Variants in BAMBI observed in about 807,000 individuals in gnomAD.
BAMBI encodes BMP and activin membrane-bound inhibitor homolog.
In BAMBI, 21 loss-of-function variants were observed where a neutral mutation model predicts 24.1. The observed-to-expected ratio is 0.87, with a 90% CI of 0.62 to 1.26. The LOEUF is 1.26. Among genes scored for constraint, BAMBI ranks in the 50% most tolerant of loss-of-function variants. BAMBI has a pLI of 0.00. For synonymous variants in BAMBI, 156 were observed against 123.1 expected, an observed-to-expected ratio of 1.27 and a Z score of -1.77; for missense variants, 388 against 329.1, an observed-to-expected ratio of 1.18 and a Z score of -1.38.
At chr10:28,680,288 T>G (rs1834483437) in intron 1 of BAMBI, among the ~76,000 whole-genome samples, 1 of 152,138 alleles carries the variant, frequency 6.6e-6, no homozygotes, top group African/African-American at 2.4e-5. Context: ...CCCAGATTAT[T>G]TCAACGAGAA....
At chr10:28,681,689 T>A (rs541298849) in intron 2 of BAMBI, 144 bp downstream of exon 2, 113 of 922,542 alleles carry the variant, frequency 1.2e-4, no homozygotes, top group Non-Finnish European at 1.3e-4. Flanking sequence ...CAAAGATGCA[T>A]CTTGATTGAG....
Position 28,681,485 on chromosome 10 carries a change from G to T in BAMBI, c.304G>T (p.Asp102Tyr). The T allele has an allele frequency of 6.2e-7, 1 of 1,614,158 alleles. No individual in the cohort carries two copies. Among genetic ancestry groups the T allele is most frequent in the Non-Finnish European group, 8.5e-7 (1 of 1,180,036 alleles). Residue 102 changes from aspartate to tyrosine, a missense_variant, in exon 2 of 3, where the codon GAC (aspartate) becomes TAC (tyrosine). Coordinates refer to ENST00000375533, the MANE Select transcript of BAMBI (RefSeq NM_012342.3). ...TIPTLECCHE[D>Y]MCNYRGLHDV... ...ACCCACATTGGAATGCTGTCATGAA[G>T]ACATGTGCAATTACAGAGGGCTGCA...
chr10:28,679,344 T>G (rs937842467), intron 1 of BAMBI, among the ~76,000 whole-genome samples: 1 of 152,222 alleles, frequency 6.6e-6, no homozygotes, highest in Non-Finnish European at 1.5e-5. Flanking sequence ...CAGACATTTT[T>G]GTTTAATCAC....
rs1263457571 is a variant in BAMBI, at chr10:28,682,776, AGT to A, written c.*378_*379del. The A allele has an allele frequency of 6.1e-6, 1 of 163,800 alleles. No individual in the cohort carries two copies. The highest frequency in any genetic ancestry group is 2.4e-5 in the African/African-American group (1 of 41,768). The allele number at this position is 163,800 out of a possible 1,614,324, so 10.1% of individuals were successfully genotyped here. On this transcript the variant is annotated 3_prime_UTR_variant, in exon 3 of 3. Coordinates refer to ENST00000375533, the MANE Select transcript of BAMBI (RefSeq NM_012342.3). The stretch of plus-strand genomic sequence containing the variant: ...ATATATATTTTGTCTGAAATTTAAT[AGT>A]GTCTTTCATAAATTTAACTGGGAAA...
rs1282362101 is a variant in BAMBI at position 28,682,020 on chromosome 10, C to A, written c.402C>A (p.Asn134Lys). Reference sequence around the variant, plus strand: ...GGTATCAGCATGATGGTAGCAGAAACCTTATCACCAAGGTGCAGGAGCTGA... The same window carrying A: ...GGTATCAGCATGATGGTAGCAGAAAACTTATCACCAAGGTGCAGGAGCTGA... ...GNRYQHDGSR[N>K]LITKVQELTS... The change falls in exon 3 of 3, where the codon AAC becomes AAA. Residue 134 changes from asparagine (N) to lysine (K), a missense_variant. Coordinates refer to ENST00000375533, the MANE Select transcript of BAMBI (RefSeq NM_012342.3). 6.2e-7 allele frequency: 1 copy of A among 1,613,962 alleles called. No homozygotes were observed.
intron 1 of BAMBI, among the ~76,000 whole-genome samples, chr10:28,678,570 AGT>A (rs907636747): frequency 2.0e-5 from 3 of 150,802 alleles, no homozygotes; most frequent in African/African-American, 7.3e-5. Flanking sequence ...TCTGATCTTG[AGT>A]GTGTCTTTCT....
In BAMBI at chr10:28,682,003, C is replaced by CATG; in HGVS notation, c.389_391dup (p.Asp130dup). ...TTTAGGACAAGGAAACAGGTATCAG[C>CATG]ATGATGGTAGCAGAAACCTTATCAC... On this transcript the variant is annotated inframe_insertion, in exon 3 of 3. Coordinates refer to ENST00000375533, the MANE Select transcript of BAMBI (RefSeq NM_012342.3). The CATG allele has an allele frequency of 6.2e-7, 1 of 1,613,468 alleles. No individual in the cohort carries two copies. Among genetic ancestry groups the CATG allele is most frequent in the Non-Finnish European group, 8.5e-7 (1 of 1,179,446 alleles).
intron 1 of BAMBI, 147 bp downstream of exon 1, chr10:28,678,120 G>C: frequency 1.5e-6 from 1 of 656,282 alleles, no homozygotes; most frequent in Non-Finnish European, 2.4e-6. Context: ...CTTAGAAGTC[G>C]CGGCGGTGGC....
At position 28,682,239 on chromosome 10, in the gene BAMBI, G is replaced by C; in HGVS notation, c.621G>C (p.Gln207His). ...ACGGACACCATTCCAAAAAGGGGCA[G>C]GTTGCAAAGTTAGACTTGGAATGCA... ...SFHGHHSKKGQVAKLDLECMV... is the reference protein window; with the variant it reads ...SFHGHHSKKGHVAKLDLECMV... The change falls in exon 3 of 3, where the codon CAG becomes CAC. Residue 207 changes from glutamine (Q) to histidine (H), a missense_variant. Coordinates refer to ENST00000375533, the MANE Select transcript of BAMBI (RefSeq NM_012342.3). The C allele has an allele frequency of 7.4e-6, 12 of 1,614,184 alleles. No individual in the cohort carries two copies. The highest frequency in any genetic ancestry group is 1.0e-5 in the Non-Finnish European group (12 of 1,180,048).
At chr10:28,679,159 G>T (rs776927780) in intron 1 of BAMBI, among the ~76,000 whole-genome samples, 1 of 152,146 alleles carries the variant, frequency 6.6e-6, no homozygotes, top group Non-Finnish European at 1.5e-5. Flanking sequence ...GGAGCCTCCT[G>T]GCCCTATCAA....
Position 28,682,512 on chromosome 10 carries a change from A to G in BAMBI, c.*111A>G, listed in dbSNP as rs915706892. The G allele has an allele frequency of 1.3e-5, 13 of 983,254 alleles. No individual in the cohort carries two copies. Among genetic ancestry groups the G allele is most frequent in the Non-Finnish European group, 1.9e-5 (13 of 667,110 alleles). 60.9% of individuals were successfully genotyped at this position (983,254 alleles called of 1,614,324 possible). On this transcript the variant is annotated 3_prime_UTR_variant, in exon 3 of 3. Transcript: ENST00000375533. ...CTCATTTAATCATCTTTGAGAGACA[A>G]AATGACCTCTGCAAACAGAATCTTG...
rs755835920 is a variant in BAMBI at position 28,677,883 on chromosome 10, C to T, written c.-15C>T. 9.4e-6 allele frequency: 14 copies of T among 1,497,174 alleles called. No homozygotes were observed. In the African/African-American group the frequency reaches 1.6e-4, roughly 17 times the overall value. 92.7% of individuals were successfully genotyped at this position (1,497,174 alleles called of 1,614,324 possible). On this transcript the variant is annotated 5_prime_UTR_variant, in exon 1 of 3. Transcript: ENST00000375533. ...CCGGAAGCCGGCGGGGGCGCCGCGG[C>T]CGTGCGGGGCGTCAATGGATCGCCA...
intron 1 of BAMBI, among the ~76,000 whole-genome samples, chr10:28,678,493 ATC>A (rs1277916197): frequency 6.6e-6 from 1 of 152,088 alleles, no homozygotes; most frequent in Non-Finnish European, 1.5e-5. Flanking sequence ...CTTTGAATGT[ATC>A]TCTGAATGCA....
intron 1 of BAMBI, among the ~76,000 whole-genome samples, 175 bp from the exon 2 acceptor site, chr10:28,681,083 A>G (rs568746762): frequency 1.3e-5 from 2 of 152,258 alleles, no homozygotes; most frequent in South Asian, 4.1e-4. Flanking sequence ...GTTTAACTGG[A>G]TTGAAACTTA....
Position 28,682,044 on chromosome 10 carries a change from G to C in BAMBI, c.426G>C (p.Leu142=), listed in dbSNP as rs1427889631. 2.5e-6 allele frequency: 4 copies of C among 1,614,048 alleles called. No homozygotes were observed. The African/African-American group carries it at 4.0e-5, about 16-fold the overall frequency. ...SRNLITKVQE[L]TSSKELWFRA... The stretch of plus-strand genomic sequence containing the variant: ...ACCTTATCACCAAGGTGCAGGAGCT[G>C]ACTTCTTCCAAAGAGTTGTGGTTCC... Residue 142 remains leucine (L), a synonymous_variant, in exon 3 of 3, where the codon CTG becomes CTC. Transcript: ENST00000375533.
intron 1 of BAMBI, among the ~76,000 whole-genome samples, chr10:28,678,646 TGTGA>T (rs67502538): frequency 0.13 from 19,774 of 151,988 alleles, 1,902 homozygotes; most frequent in East Asian, 0.42. Flanking sequence ...TGAGTCTCTG[TGTGA>T]GTGTGTCTCT....
intron 1 of BAMBI, among the ~76,000 whole-genome samples, chr10:28,678,211 C>T (rs1175567556): frequency 6.6e-6 from 1 of 152,184 alleles, no homozygotes; most frequent in Non-Finnish European, 1.5e-5. Flanking sequence ...GGGAGCGGCG[C>T]GTTTGCAGCC....
At chr10:28,678,406 T>G (rs10826492) in intron 1 of BAMBI, among the ~76,000 whole-genome samples, 1 of 152,086 alleles carries the variant, frequency 6.6e-6, no homozygotes, top group Non-Finnish European at 1.5e-5. Context: ...CCTAAATGCA[T>G]TTTTGTGTCT....
At chr10:28,681,681 A>G in intron 2 of BAMBI, 136 bp downstream of exon 2, 1 of 956,870 alleles carries the variant, frequency 1.0e-6, no homozygotes, top group Non-Finnish European at 1.5e-6. Flanking sequence ...GCTGGATGCA[A>G]AGATGCATCT....
Sources: gnomAD v4.1 joint callset for allele counts (sites outside exome capture counted in the v4.1 genomes callset) on GRCh38, gnomAD v4.1.1 for gene constraint, MANE v1.5 for transcripts, NCBI Gene and HGNC (gene_info 2026-07-23, HGNC 2026-07-21) for gene names.